Variants in ZHX2 observed in about 807,000 individuals in gnomAD.
ZHX2 encodes zinc fingers and homeoboxes 2, also known as zinc fingers and homeoboxes protein 2.
Under a neutral mutation model 21.9 loss-of-function variants are expected in ZHX2, and 6 were observed. The ratio of observed to expected loss-of-function variants is 0.27; its 90% CI spans 0.15 to 0.54. The LOEUF (loss-of-function observed/expected upper bound fraction) is 0.54, where lower values mean the gene tolerates loss of function less well. ZHX2 is among the 20% of genes least tolerant of loss of function. The pLI is 0.95. For missense variants in ZHX2, 908 were observed against 1,090.7 expected, an observed-to-expected ratio of 0.83 and a Z score of 2.36; for synonymous variants, 434 against 437.1, an observed-to-expected ratio of 0.99 and a Z score of 0.09.
intron 2 of ZHX2, among the ~76,000 whole-genome samples, chr8:122,931,027 C>A (rs897185850): frequency 7.2e-5 from 11 of 152,122 alleles, no homozygotes; most frequent in Non-Finnish European, 1.5e-4. Context: ...GCACGTCTTC[C>A]ACTAGGCTGT....
chr8:122,954,245 C>T (rs956434903), intron 3 of ZHX2, among the ~76,000 whole-genome samples: 3 of 152,124 alleles, frequency 2.0e-5, no homozygotes, highest in Non-Finnish European at 4.4e-5. Flanking sequence ...AGCTGATTCC[C>T]GTATGCATTA....
At chr8:122,853,369 C>G (rs1007154647) in intron 1 of ZHX2, among the ~76,000 whole-genome samples, 2 of 152,192 alleles carry the variant, frequency 1.3e-5, no homozygotes. Context: ...GTGCTTTAGG[C>G]CACACAGCCC....
At chr8:122,941,326 T>C (rs187570627) in intron 2 of ZHX2, among the ~76,000 whole-genome samples, 57 of 152,328 alleles carry the variant, frequency 3.7e-4, no homozygotes, top group Middle Eastern at 3.4e-3. Flanking sequence ...ACAAACCCCT[T>C]CTTTTCTTTT....
chr8:122,848,214 CTG>C (rs1241088539), intron 1 of ZHX2, among the ~76,000 whole-genome samples: 2 of 152,048 alleles, frequency 1.3e-5, no homozygotes, highest in East Asian at 1.9e-4. Context: ...TGTTGCGTCT[CTG>C]TGTGTGTGTG....
At chr8:122,859,303 G>GTGCAGCCCCAGCCAAGTCACTC (rs1444686130) in intron 1 of ZHX2, among the ~76,000 whole-genome samples, 1 of 152,188 alleles carries the variant, frequency 6.6e-6, no homozygotes, top group Non-Finnish European at 1.5e-5. Flanking sequence ...ATAATTCACT[G>GTGCAGCCCCAGCCAAGTCACTC]TGCAGCCCCA....
At chr8:122,926,708 A>C (rs963906239) in intron 2 of ZHX2, among the ~76,000 whole-genome samples, 9 of 152,176 alleles carry the variant, frequency 5.9e-5, no homozygotes, top group Non-Finnish European at 1.3e-4. Flanking sequence ...CTCTGGGTGA[A>C]CATCTGTTTC....
At chr8:122,919,145 C>T (rs180850397) in intron 2 of ZHX2, among the ~76,000 whole-genome samples, 19 of 152,278 alleles carry the variant, frequency 1.2e-4, no homozygotes, top group Admixed American at 1.2e-3. Context: ...ACCATCAGCA[C>T]AGCACTTGCT....
intron 2 of ZHX2, among the ~76,000 whole-genome samples, chr8:122,889,630 A>G (rs1233255106): frequency 6.6e-6 from 1 of 152,126 alleles, no homozygotes; most frequent in Non-Finnish European, 1.5e-5. Flanking sequence ...CCCTTGTTGG[A>G]TGAATAGTTT....
intron 1 of ZHX2, among the ~76,000 whole-genome samples, chr8:122,831,238 A>G (rs1411892348): frequency 1.3e-5 from 2 of 151,766 alleles, no homozygotes; most frequent in Non-Finnish European, 2.9e-5. Context: ...CTACCTGCCA[A>G]TCTTGCCCAG....
intron 3 of ZHX2, 47 bp downstream of exon 3, chr8:122,954,075 T>C (rs779910348): frequency 6.7e-7 from 1 of 1,482,458 alleles, no homozygotes; most frequent in African/African-American, 1.4e-5. Context: ...CGCAGCTTGC[T>C]TTCTTTTCGT....
chr8:122,805,482 G>A (rs1817804441), intron 1 of ZHX2, among the ~76,000 whole-genome samples: 1 of 152,198 alleles, frequency 6.6e-6, no homozygotes, highest in African/African-American at 2.4e-5. Flanking sequence ...GTGCACTGAG[G>A]TGGGAAGAAC....
At chr8:122,874,828 A>G (rs895619414) in intron 2 of ZHX2, among the ~76,000 whole-genome samples, 2 of 152,104 alleles carry the variant, frequency 1.3e-5, no homozygotes, top group African/African-American at 2.4e-5. Context: ...GATTCAGAAT[A>G]GAAGAAAATG....
intron 1 of ZHX2, among the ~76,000 whole-genome samples, chr8:122,813,196 C>CAAAA (rs35396999): frequency 1.0e-5 from 1 of 96,446 alleles, no homozygotes; most frequent in East Asian, 2.8e-4. Flanking sequence ...AACTCTGTCT[C>CAAAA]AAAAAAAAAA....
intron 1 of ZHX2, among the ~76,000 whole-genome samples, chr8:122,847,476 GT>G (rs1818779375): frequency 6.6e-6 from 1 of 152,200 alleles, no homozygotes; most frequent in South Asian, 2.1e-4. Context: ...ATGTCATTGA[GT>G]CCAGGTCCCT....
At chr8:122,913,845 C>T (rs1254588073) in intron 2 of ZHX2, among the ~76,000 whole-genome samples, 1 of 152,206 alleles carries the variant, frequency 6.6e-6, no homozygotes, top group Admixed American at 6.5e-5. Flanking sequence ...ATGACACCAT[C>T]AATTGTTGAT....
chr8:122,787,230 T>C (rs1007381655), intron 1 of ZHX2, among the ~76,000 whole-genome samples: 1 of 152,268 alleles, frequency 6.6e-6, no homozygotes, highest in Middle Eastern at 3.4e-3. Context: ...GATACCTCTC[T>C]TTCCCCCCTG....
intron 3 of ZHX2, among the ~76,000 whole-genome samples, chr8:122,957,617 G>A (rs547385895): frequency 1.3e-5 from 2 of 152,254 alleles, no homozygotes; most frequent in African/African-American, 2.4e-5. Context: ...ACAGGCACGT[G>A]CCACCATACC....
chr8:122,915,445 G>T (rs1820577622), intron 2 of ZHX2, among the ~76,000 whole-genome samples: 1 of 152,144 alleles, frequency 6.6e-6, no homozygotes, highest in Non-Finnish European at 1.5e-5. Context: ...CCTTTAAACT[G>T]GGAGATCTCT....
chr8:122,792,847 C>T (rs1817544889), intron 1 of ZHX2, among the ~76,000 whole-genome samples: 2 of 152,140 alleles, frequency 1.3e-5, no homozygotes, highest in Admixed American at 6.6e-5. Flanking sequence ...GGGTGGCACC[C>T]GAGAGTGTGT....
Sources: allele counts gnomAD v4.1 joint callset (sites outside exome capture counted in the v4.1 genomes callset), GRCh38; gene constraint gnomAD v4.1.1; transcripts MANE v1.5; gene names NCBI Gene and HGNC (gene_info 2026-07-23, HGNC 2026-07-21).